The following MBTPS1 variants were observed in gnomAD, a reference collection of about 807,000 sequenced individuals.
MBTPS1 encodes the protein membrane bound transcription factor peptidase, site 1.
Under a neutral mutation model 127.8 loss-of-function variants are expected in MBTPS1, and 94 were observed. That is an observed-to-expected ratio of 0.74 (90% CI 0.62 to 0.87). The LOEUF is 0.87. Among genes scored for constraint, MBTPS1 ranks in the 40% least tolerant of loss-of-function variants. MBTPS1 has a pLI of 0.00. For synonymous variants in MBTPS1, 632 were observed against 509.4 expected (o/e 1.24, Z -3.24); for missense variants, 1,636 against 1,353.2 (o/e 1.21, Z -3.28).
chr16:84,105,729 G>A (rs916579576), intron 1 of MBTPS1, among the ~76,000 whole-genome samples: 2 of 152,078 alleles, frequency 1.3e-5, no homozygotes, highest in African/African-American at 2.4e-5. Context: ...CCGGAAATAC[G>A]GACCTCTTCC....
intron 21 of MBTPS1, 96 bp from the exon 22 acceptor site, chr16:84,056,231 G>A (rs2151138293): frequency 2.9e-6 from 3 of 1,032,656 alleles, no homozygotes; most frequent in Non-Finnish European, 4.3e-6. Flanking sequence ...GACAGAGCAA[G>A]TGATCTACGG....
At chr16:84,112,974 C>CAAAAAAAAAAAAAA in intron 1 of MBTPS1, among the ~76,000 whole-genome samples, 1 of 56,878 alleles carries the variant, frequency 1.8e-5, no homozygotes, top group Non-Finnish European at 3.6e-5. Context: ...GATGCCATCT[C>CAAAAAAAAAAAAAA]AAAAAAAAAA....
intron 22 of MBTPS1, 61 bp from the exon 23 acceptor site, chr16:84,054,706 T>A: frequency 6.1e-6 from 8 of 1,315,298 alleles, no homozygotes; most frequent in Non-Finnish European, 8.3e-6. Context: ...GACGGCCTTT[T>A]TCTATGACGG....
Position 84,068,444 on chromosome 16 carries a change from G to A in MBTPS1, c.1966C>T (p.His656Tyr). ...ATATCCCTGAAATTGGTGTGGATGT[G>A]ATCACCATTCCTGAAAAACAATAGG... ...KNDPLDWNGDHIHTNFRDMYQ... is the reference protein window; with the variant it reads ...KNDPLDWNGDYIHTNFRDMYQ... The change falls in exon 15 of 23, where the codon CAC becomes TAC. Residue 656 changes from histidine to tyrosine, a missense_variant. Physicochemically the swap from His to Tyr is moderately conservative, Grantham distance 83. Coordinates refer to ENST00000343411, the MANE Select transcript of MBTPS1 (RefSeq NM_003791.4). 6 of 1,606,534 alleles carry A rather than the reference G, an allele frequency of 3.7e-6. No individual in the cohort carries two copies. The highest frequency in any genetic ancestry group is 5.1e-6 in the Non-Finnish European group (6 of 1,173,018).
chr16:84,098,746 G>C (rs1010402604), intron 3 of MBTPS1, among the ~76,000 whole-genome samples: 2 of 152,222 alleles, frequency 1.3e-5, no homozygotes, highest in Non-Finnish European at 2.9e-5. Flanking sequence ...AAGGCTTTGA[G>C]ATGAAGCTGG....
chr16:84,098,151 G>C lies in MBTPS1; in HGVS notation c.421+902C>G, dbSNP rs535734639. Among the ~76,000 whole-genome samples the C allele has an allele frequency of 1.2e-4, 18 of 152,270 alleles. No individual in the cohort carries two copies. In the East Asian group the frequency reaches 3.3e-3, roughly 28 times the overall value. On this transcript the variant is annotated intron_variant, in intron 3 of 22. Coordinates refer to ENST00000343411, the MANE Select transcript of MBTPS1 (RefSeq NM_003791.4). ...GACAAGCCCAATTGTAATGAAGTAG[G>C]AAAGACTAAGCCCTGGAGAAGAAAA...
chr16:84,086,170 C>G (rs1281198684), intron 9 of MBTPS1: 2 of 152,242 alleles, frequency 1.3e-5, no homozygotes, highest in East Asian at 3.8e-4. Flanking sequence ...TCCACTGCAG[C>G]TGTGATGATG....
chr16:84,088,421 T>C (rs1204952732), intron 8 of MBTPS1, among the ~76,000 whole-genome samples: 2 of 151,868 alleles, frequency 1.3e-5, no homozygotes, highest in Non-Finnish European at 2.9e-5. Flanking sequence ...GATTTTCTGA[T>C]GACTGATGCT....
intron 3 of MBTPS1, among the ~76,000 whole-genome samples, chr16:84,097,830 T>A (rs1031300001): frequency 7.4e-6 from 1 of 134,836 alleles, no homozygotes; most frequent in Non-Finnish European, 1.6e-5. Context: ...AAAATTAAAC[T>A]TCTCTTCGTG....
At chr16:84,068,298 G>C (rs771097306) in intron 15 of MBTPS1, 41 bp downstream of exon 15, 1 of 1,283,476 alleles carries the variant, frequency 7.8e-7, no homozygotes, top group Non-Finnish European at 1.1e-6. Flanking sequence ...CATCCAAAGT[G>C]GGCGGAAAGA....
At chr16:84,112,325 G>A (rs2086408949) in intron 1 of MBTPS1, among the ~76,000 whole-genome samples, 1 of 152,178 alleles carries the variant, frequency 6.6e-6, no homozygotes, top group Admixed American at 6.5e-5. Flanking sequence ...TTTATAGGGA[G>A]CATATGTTAC....
intron 11 of MBTPS1, among the ~76,000 whole-genome samples, chr16:84,076,887 G>A (rs1206006996): frequency 6.6e-6 from 1 of 152,198 alleles, no homozygotes; most frequent in African/African-American, 2.4e-5. Flanking sequence ...ATAGAATTAA[G>A]TAAGATGATA....
intron 20 of MBTPS1, chr16:84,060,267 T>G (rs1454333254): frequency 6.4e-6 from 1 of 155,440 alleles, no homozygotes; most frequent in Non-Finnish European, 1.4e-5. Context: ...ACATCTATTT[T>G]CACAGGATTA....
intron 22 of MBTPS1, among the ~76,000 whole-genome samples, chr16:84,055,017 GAGA>G (rs911661234): frequency 2.6e-5 from 4 of 152,202 alleles, no homozygotes; most frequent in African/African-American, 4.8e-5. Context: ...CTATCCAGGG[GAGA>G]AGGAGGGGCC....
rs574046948 is a variant in MBTPS1, at chr16:84,083,132, T to C, written c.1287-1224A>G. Reference sequence around the variant, plus strand: ...CAGAGCCCTCACTTCCTGCTAACAATCATGGCGTTTAGGAGAAATGAACCA... The same window carrying C: ...CAGAGCCCTCACTTCCTGCTAACAACCATGGCGTTTAGGAGAAATGAACCA... On this transcript the variant is annotated intron_variant, in intron 10 of 22. Transcript: ENST00000343411. 6.6e-5 allele frequency among the ~76,000 whole-genome samples: 10 copies of C among 152,284 alleles called. No individual in the cohort carries two copies. The East Asian group carries it at 1.9e-3, about 29-fold the overall frequency.
At position 84,093,816 on chromosome 16, in the gene MBTPS1, T is replaced by C. The variant is rs2086143646; in HGVS notation, c.631A>G (p.Asn211Asp). 1 of 1,598,828 alleles carries C rather than the reference T, an allele frequency of 6.3e-7. No individual in the cohort carries two copies. The highest frequency in any genetic ancestry group is 1.3e-5 in the African/African-American group (1 of 74,576). The change falls in exon 5 of 23, where the codon AAT (asparagine) becomes GAT (aspartate). Residue 211 changes from asparagine to aspartate, a missense_variant. Transcript: ENST00000343411. Reference protein sequence around the residue: ...VLWQMGYTGANVRVAVFDTGL... With the variant: ...VLWQMGYTGADVRVAVFDTGL... ...GTGTCAAAAACAGCAACTCTTACAT[T>C]AGCACCTTATTCGGAAAAGAAAGCA...
chr16:84,099,461 A>G, intron 2 of MBTPS1, 151 bp from the exon 3 acceptor site: 1 of 799,098 alleles, frequency 1.3e-6, no homozygotes, highest in South Asian at 1.9e-5. Flanking sequence ...TTAAGTACCT[A>G]GACAGCTGTC....
chr16:84,087,281 G>T, intron 9 of MBTPS1, 77 bp downstream of exon 9: 2 of 1,123,766 alleles, frequency 1.8e-6, no homozygotes, highest in Non-Finnish European at 2.7e-6. Context: ...TACACCCCAA[G>T]GCTCGTCAAC....
chr16:84,072,826 G>C (rs1370135712), intron 12 of MBTPS1, among the ~76,000 whole-genome samples: 1 of 152,152 alleles, frequency 6.6e-6, no homozygotes, highest in African/African-American at 2.4e-5. Context: ...AGGTGTGGTG[G>C]AGCCATCTTC....
Sources: gnomAD v4.1 joint callset for allele counts (sites outside exome capture counted in the v4.1 genomes callset) on GRCh38, gnomAD v4.1.1 for gene constraint, MANE v1.5 for transcripts, NCBI Gene and HGNC (gene_info 2026-07-23, HGNC 2026-07-21) for gene names.